The following FGF18 variants were observed in gnomAD, a reference collection of about 807,000 sequenced individuals.
FGF18 encodes the protein fibroblast growth factor 18.
FGF18 carries 5 observed loss-of-function variants against 23.0 expected under a neutral mutation model. The ratio of observed to expected loss-of-function variants is 0.22; its 90% CI spans 0.11 to 0.46. The LOEUF (loss-of-function observed/expected upper bound fraction) is 0.46. Among genes scored for constraint, FGF18 ranks in the 20% least tolerant of loss-of-function variants. FGF18 has a pLI of 0.99. For synonymous variants in FGF18, 117 were observed against 118.9 expected, an observed-to-expected ratio of 0.98 and a Z score of 0.10; for missense variants, 180 against 291.6, an observed-to-expected ratio of 0.62 and a Z score of 2.79.
At chr5:171,453,456 T>A (rs1172189891) in intron 4 of FGF18, among the ~76,000 whole-genome samples, 1 of 152,220 alleles carries the variant, frequency 6.6e-6, no homozygotes, top group Non-Finnish European at 1.5e-5. Context: ...ATGGTGGCTA[T>A]GTGGGCCTGG....
At chr5:171,441,828 C>G (rs1772350066) in intron 3 of FGF18, among the ~76,000 whole-genome samples, 1 of 152,160 alleles carries the variant, frequency 6.6e-6, no homozygotes, top group Non-Finnish European at 1.5e-5. Context: ...GTCCTTCCCC[C>G]TGGCGCATTG....
At chr5:171,450,654 A>G (rs1452379507) in intron 4 of FGF18, among the ~76,000 whole-genome samples, 1 of 152,136 alleles carries the variant, frequency 6.6e-6, no homozygotes, top group East Asian at 1.9e-4. Context: ...CGGGATGCCG[A>G]GGAGTGGTTT....
At chr5:171,421,877 T>A (rs994915331) in intron 2 of FGF18, among the ~76,000 whole-genome samples, 12 of 22,894 alleles carry the variant, frequency 5.2e-4, no homozygotes, top group African/African-American at 1.8e-3. Flanking sequence ...TGTGTGGTGA[T>A]GGGGGTGGGG....
intron 2 of FGF18, among the ~76,000 whole-genome samples, chr5:171,433,797 A>G (rs891179310): frequency 6.6e-6 from 1 of 152,200 alleles, no homozygotes; most frequent in South Asian, 2.1e-4. Flanking sequence ...CAAGGTTGTC[A>G]GGACTATCAA....
chr5:171,445,585 C>T (rs1350936153), intron 3 of FGF18, among the ~76,000 whole-genome samples: 3 of 151,686 alleles, frequency 2.0e-5, no homozygotes, highest in East Asian at 1.9e-4. Flanking sequence ...AGGCTGGTGT[C>T]GAACTCCTGA....
intron 2 of FGF18, among the ~76,000 whole-genome samples, chr5:171,430,860 A>T (rs1383097109): frequency 6.6e-6 from 1 of 151,616 alleles, no homozygotes; most frequent in African/African-American, 2.4e-5. Context: ...TTTTTCTGAG[A>T]TAAATATTAT....
At chr5:171,429,172 C>T (rs970213777) in intron 2 of FGF18, among the ~76,000 whole-genome samples, 9 of 152,192 alleles carry the variant, frequency 5.9e-5, no homozygotes, top group East Asian at 1.9e-4. Flanking sequence ...AGGGTGGGCC[C>T]GGCCTTCCTC....
chr5:171,444,578 C>A (rs1367790237), intron 3 of FGF18, among the ~76,000 whole-genome samples: 2 of 126,192 alleles, frequency 1.6e-5, no homozygotes, highest in African/African-American at 5.9e-5. Context: ...GGGAAAAGGT[C>A]TTTCGCTGTG....
At chr5:171,424,900 A>G (rs1258690681) in intron 2 of FGF18, among the ~76,000 whole-genome samples, 1 of 152,146 alleles carries the variant, frequency 6.6e-6, no homozygotes, top group Non-Finnish European at 1.5e-5. Flanking sequence ...GCATTCCTGA[A>G]GCTTGGGAGT....
chr5:171,425,282 T>A (rs1772073389), intron 2 of FGF18, among the ~76,000 whole-genome samples: 1 of 152,196 alleles, frequency 6.6e-6, no homozygotes. Flanking sequence ...CTCACTCTGT[T>A]GCCCAGGCTG....
intron 3 of FGF18, among the ~76,000 whole-genome samples, chr5:171,437,848 G>A (rs956016143): frequency 6.6e-6 from 1 of 152,140 alleles, no homozygotes; most frequent in Non-Finnish European, 1.5e-5. Context: ...AGTACAGGGG[G>A]GTCAGACTCT....
chr5:171,425,529 C>CT (rs77671680), intron 2 of FGF18, among the ~76,000 whole-genome samples: 22,312 of 106,188 alleles, frequency 0.21, 3,530 homozygotes, highest in Non-Finnish European at 0.26. Context: ...CCGCCATGTG[C>CT]TTTTTTTTTT....
chr5:171,420,504 C>A (rs557332074), intron 2 of FGF18, 61 bp downstream of exon 2: 4 of 1,511,284 alleles, frequency 2.6e-6, no homozygotes, highest in Middle Eastern at 2.0e-4. Flanking sequence ...CGCCGACCCC[C>A]CTTCCCCGGC....
Position 171,456,734 on chromosome 5 carries a change from C to G in FGF18, c.553C>G (p.Leu185Val), listed in dbSNP as rs768924757. 1.9e-6 allele frequency: 3 copies of G among 1,614,062 alleles called. No homozygotes were observed. The highest frequency in any genetic ancestry group is 2.5e-6 in the Non-Finnish European group (3 of 1,180,024). ...GCGCTACCCCAAGGGGCAGCCGGAG[C>G]TTCAGAAGCCCTTCAAGTACACGAC... Reference protein sequence around the residue: ...MKRYPKGQPELQKPFKYTTVT... With the variant: ...MKRYPKGQPEVQKPFKYTTVT... Residue 185 changes from leucine (L) to valine (V), a missense_variant, in exon 5 of 5, where the codon CTT becomes GTT. Leu to Val is a conservative substitution (Grantham distance 32). Coordinates refer to ENST00000274625, the MANE Select transcript of FGF18 (RefSeq NM_003862.3). This position sits in a 1 kb window ranked among gnomAD's most constrained non-coding sequence, Gnocchi z 6.1.
At chr5:171,448,147 A>T (rs76844352) in intron 3 of FGF18, among the ~76,000 whole-genome samples, 1,610 of 152,286 alleles carry the variant, frequency 0.011, 31 homozygotes, top group African/African-American at 0.037. Context: ...GTCCTTGTTC[A>T]GGCAGGGCTT....
rs139752165 is a variant in FGF18 at position 171,440,825 on chromosome 5, C to A, written c.250+4552C>A. 6.6e-6 allele frequency among the ~76,000 whole-genome samples: 1 copy of A among 152,276 alleles called. No homozygotes were observed. The highest frequency in any genetic ancestry group is 1.9e-4 in the East Asian group (1 of 5,170). On this transcript the variant is annotated intron_variant, in intron 3 of 4. Transcript: ENST00000274625. The surrounding 1 kb of genome is among the most constrained non-coding windows in gnomAD (Gnocchi z 4.0). ...CTGAGCCCCCAGGCTGGGTACAGAGCCCCAGAGCCCCTGTGCTTGCCCTTG... is the reference window on the plus strand; with the variant it reads ...CTGAGCCCCCAGGCTGGGTACAGAGACCCAGAGCCCCTGTGCTTGCCCTTG...
chr5:171,437,438 C>T (rs998457494), intron 3 of FGF18, among the ~76,000 whole-genome samples: 3 of 152,204 alleles, frequency 2.0e-5, no homozygotes, highest in Non-Finnish European at 4.4e-5. Flanking sequence ...TTGTGCACCT[C>T]CGGGCCAGCT....
In FGF18 at chr5:171,451,356, G is replaced by T. The variant is rs1772505115; in HGVS notation, c.357+2103G>T. On this transcript the variant is annotated intron_variant, in intron 4 of 4. Coordinates refer to ENST00000274625, the MANE Select transcript of FGF18 (RefSeq NM_003862.3). The surrounding 1 kb of genome is among the most constrained non-coding windows in gnomAD (Gnocchi z 4.5). ...ATCCACCTGTCCAGGCTTGACCTCT[G>T]CCCCGCCCAGCGCCCCCTCGCTCTC... Among the ~76,000 whole-genome samples the T allele has an allele frequency of 6.6e-6, 1 of 151,946 alleles. No homozygotes were observed. Among genetic ancestry groups the T allele is most frequent in the Non-Finnish European group, 1.5e-5 (1 of 67,986 alleles).
At chr5:171,442,814 C>T (rs754540006) in intron 3 of FGF18, among the ~76,000 whole-genome samples, 6 of 152,190 alleles carry the variant, frequency 3.9e-5, no homozygotes, top group Non-Finnish European at 8.8e-5. Context: ...CTGGGAAACC[C>T]GGCTGGGGAA....
Sources: allele counts gnomAD v4.1 joint callset (sites outside exome capture counted in the v4.1 genomes callset), GRCh38; gene constraint gnomAD v4.1.1; non-coding constraint Gnocchi (gnomAD v3.1); transcripts MANE v1.5; gene names NCBI Gene and HGNC (gene_info 2026-07-23, HGNC 2026-07-21).